The following ABCC6 variants were observed in gnomAD, a reference collection of about 807,000 sequenced individuals.
ABCC6 encodes the protein ATP-binding cassette sub-family C member 6.
Under a neutral mutation model 169.5 loss-of-function variants are expected in ABCC6, and 126 were observed. The observed-to-expected ratio is 0.74, with a 90% CI of 0.64 to 0.86. ABCC6 has a LOEUF of 0.86. ABCC6 is among the 40% of genes least tolerant of loss of function. The pLI is 0.00. For synonymous variants in ABCC6, 752 were observed against 814.7 expected, an observed-to-expected ratio of 0.92 and a Z score of 1.31; for missense variants, 1,733 against 1,927.2, an observed-to-expected ratio of 0.90 and a Z score of 1.89.
At chr16:16,189,918 G>A (rs541090010) in intron 12 of ABCC6, among the ~76,000 whole-genome samples, 3 of 152,204 alleles carry the variant, frequency 2.0e-5, no homozygotes, top group South Asian at 2.1e-4. Flanking sequence ...TCCCCACATC[G>A]GTAGAAGCCT....
chr16:16,161,361 A>G (rs1401331369), intron 25 of ABCC6, 77 bp downstream of exon 25: 1 of 1,605,586 alleles, frequency 6.2e-7, no homozygotes, highest in African/African-American at 1.3e-5. Context: ...AGGGTCTTCA[A>G]AGGTCCCACT....
chr16:16,173,523 T>G, intron 20 of ABCC6, 119 bp from the exon 21 acceptor site: 1 of 1,222,358 alleles, frequency 8.2e-7, no homozygotes, highest in Non-Finnish European at 1.2e-6. Context: ...TACTCTTTCA[T>G]TCATTCATTT....
chr16:16,152,078 G>A (rs1017724682), intron 29 of ABCC6, among the ~76,000 whole-genome samples: 2 of 150,722 alleles, frequency 1.3e-5, no homozygotes, highest in East Asian at 2.0e-4. Context: ...TGTAGTCCCA[G>A]GTACTCAGGA....
chr16:16,201,028 G>A (rs533712851), intron 9 of ABCC6, among the ~76,000 whole-genome samples: 4 of 152,182 alleles, frequency 2.6e-5, no homozygotes, highest in South Asian at 2.1e-4. Flanking sequence ...CTGTAGTGGC[G>A]TGATCTCAGT....
At chr16:16,166,691 G>C (rs1341570408) in intron 22 of ABCC6, among the ~76,000 whole-genome samples, 2 of 151,964 alleles carry the variant, frequency 1.3e-5, no homozygotes, top group African/African-American at 4.8e-5. Flanking sequence ...ACCAGCCTGA[G>C]CAACACGGTG....
intron 21 of ABCC6, 77 bp from the exon 22 acceptor site, chr16:16,169,930 G>C (rs1427512099): frequency 5.5e-6 from 8 of 1,453,016 alleles, no homozygotes; most frequent in Non-Finnish European, 7.5e-6. Context: ...GCCAGGCGAG[G>C]CTCCCAGAAA....
At chr16:16,189,025 A>G (rs770254532) in intron 12 of ABCC6, 51 bp from the exon 13 acceptor site, 2 of 1,605,578 alleles carry the variant, frequency 1.2e-6, no homozygotes, top group Admixed American at 1.7e-5. Flanking sequence ...GCAAGCATGG[A>G]TAGGGCAGCC....
At chr16:16,160,997 T>C (rs1053196739) in intron 25 of ABCC6, among the ~76,000 whole-genome samples, 3 of 152,032 alleles carry the variant, frequency 2.0e-5, no homozygotes, top group African/African-American at 7.2e-5. Flanking sequence ...TCCAGCAACT[T>C]GGGAGGCTGA....
chr16:16,221,944 C>T (rs2049090202), intron 1 of ABCC6, 113 bp from the exon 2 acceptor site: 1 of 1,557,312 alleles, frequency 6.4e-7, no homozygotes, highest in East Asian at 2.3e-5. Context: ...AAAAATGTAC[C>T]AAGTACTCTT....
rs769432314 is a variant in ABCC6 at position 16,159,519 on chromosome 16, A to G, written c.3698T>C (p.Val1233Ala). The change falls in exon 26 of 31, where the codon GTG (valine) becomes GCG (alanine). Residue 1233 changes from valine to alanine, a missense_variant. Physicochemically the swap from Val to Ala is moderately conservative, Grantham distance 64. Transcript: ENST00000205557. ...WTDLENSIVS[V>A]ERMQDYAWTP... ...CCAGGCATAGTCCTGCATCCGCTCCACTGACACGATGCTGTTCTCTAGGTC... is the reference window on the plus strand; with the variant it reads ...CCAGGCATAGTCCTGCATCCGCTCCGCTGACACGATGCTGTTCTCTAGGTC... 1.9e-6 allele frequency: 3 copies of G among 1,613,254 alleles called. No individual in the cohort carries two copies. The highest frequency in any genetic ancestry group is 4.5e-5 in the East Asian group (2 of 44,850).
intron 11 of ABCC6, among the ~76,000 whole-genome samples, chr16:16,192,468 G>A (rs553946975): frequency 1.1e-4 from 16 of 152,254 alleles, no homozygotes; most frequent in African/African-American, 3.9e-4. Flanking sequence ...TGAGCCAGGG[G>A]CTTGCTGCTG....
rs72657692 is a variant in ABCC6 at position 16,169,667 on chromosome 16, C to T, written c.2974G>A (p.Gly992Arg). The T allele has an allele frequency of 1.1e-5, 17 of 1,610,740 alleles. No homozygotes were observed. Among genetic ancestry groups the T allele is most frequent in the Admixed American group, 8.3e-5 (5 of 59,926 alleles). ...GTACCTTGGAGACAGCCGAGGAGCC[C>T]GAAGATCCCGCCACGCAGGGCTGCC... ...TQAALRGGIF[G>R]LLGCLQAIGL... is the part of the protein sequence containing the mutation. Residue 992 changes from glycine (G) to arginine (R), a missense_variant, in exon 22 of 31, where the codon GGG becomes AGG. Physicochemically the swap from Gly to Arg is moderately radical, Grantham distance 125. Transcript: ENST00000205557.
chr16:16,177,398 C>T (rs1005369149), intron 19 of ABCC6, 54 bp downstream of exon 19: 6 of 1,604,286 alleles, frequency 3.7e-6, no homozygotes, highest in Admixed American at 1.7e-5. Context: ...CGAGCCTTTT[C>T]CCCCAAGGGT....
chr16:16,197,626 A>C (rs1203307305), intron 10 of ABCC6, among the ~76,000 whole-genome samples: 1 of 142,514 alleles, frequency 7.0e-6, no homozygotes, highest in Admixed American at 7.1e-5. Flanking sequence ...GGGAAGGAGG[A>C]AAAGGAAGGG....
intron 16 of ABCC6, 56 bp downstream of exon 16, chr16:16,182,748 G>T: frequency 6.2e-7 from 1 of 1,611,822 alleles, no homozygotes; most frequent in South Asian, 1.1e-5. Flanking sequence ...AGGCAGCGAG[G>T]AAGTGGGACT....
intron 7 of ABCC6, among the ~76,000 whole-genome samples, chr16:16,207,320 A>G (rs2048424428): frequency 6.6e-6 from 1 of 152,384 alleles, no homozygotes; most frequent in East Asian, 1.9e-4. Flanking sequence ...AGCCAGGCCA[A>G]TTAGAGGCCT....
rs746714494 is a variant in ABCC6 at position 16,203,575 on chromosome 16, C to T, written c.833G>A (p.Ser278Asn). The T allele has an allele frequency of 1.2e-6, 2 of 1,614,062 alleles. No homozygotes were observed. The highest frequency in any genetic ancestry group is 1.7e-6 in the Non-Finnish European group (2 of 1,179,888). ...KAIAFKRKGG[S>N]GMKAPETEPF... The stretch of plus-strand genomic sequence containing the variant: ...CTCGGTCTCTGGAGCCTTCATGCCA[C>T]TGCCGCCTTTCCTTTTAAATGCTAT... The change falls in exon 8 of 31, where the codon AGT (serine) becomes AAT (asparagine). Residue 278 changes from serine to asparagine, a missense_variant. Ser to Asn is a conservative substitution (Grantham distance 46, BLOSUM62 1). Coordinates refer to ENST00000205557, the MANE Select transcript of ABCC6 (RefSeq NM_001171.6).
chr16:16,161,595 G>A (rs1458276078), intron 24 of ABCC6, 31 bp from the exon 25 acceptor site: 3 of 1,613,466 alleles, frequency 1.9e-6, no homozygotes. Flanking sequence ...AGGGTGAGTG[G>A]TTACTCTCAT....
At chr16:16,184,368 C>T (rs57018726) in intron 15 of ABCC6, among the ~76,000 whole-genome samples, 6 of 152,056 alleles carry the variant, frequency 3.9e-5, no homozygotes, top group Admixed American at 3.3e-4. Context: ...TGTCACCCCA[C>T]GAGAGCAGGG....
Sources: gnomAD v4.1 joint callset for allele counts (sites outside exome capture counted in the v4.1 genomes callset) on GRCh38, gnomAD v4.1.1 for gene constraint, MANE v1.5 for transcripts, NCBI Gene and HGNC (gene_info 2026-07-23, HGNC 2026-07-21) for gene names.